Variants in AIG1 observed in about 807,000 individuals in gnomAD.
AIG1 encodes the protein androgen induced 1.
AIG1 carries 23 observed loss-of-function variants against 31.4 expected under a neutral mutation model. The ratio of observed to expected loss-of-function variants is 0.73; its 90% CI spans 0.53 to 1.04. The LOEUF (loss-of-function observed/expected upper bound fraction) is 1.04. AIG1 is among the 50% of genes least tolerant of loss of function. AIG1 has a pLI of 0.00. For synonymous variants in AIG1, 100 were observed against 110.5 expected, an observed-to-expected ratio of 0.90 and a Z score of 0.60; for missense variants, 274 against 295.0, an observed-to-expected ratio of 0.93 and a Z score of 0.52.
rs1430182623 is a variant in AIG1, at chr6:143,293,746, G to A, written c.515+9521G>A. On this transcript the variant is annotated intron_variant, in intron 4 of 5. Transcript: ENST00000357847. The surrounding 1 kb of genome is among the most constrained non-coding windows in gnomAD (Gnocchi z 4.8). ...GCTATTAACCTTGCCCCACCCTGAA[G>A]TCATGTTTTATGTGGTTATGATCCT... Among the ~76,000 whole-genome samples the A allele has an allele frequency of 6.6e-6, 1 of 152,134 alleles. No homozygotes were observed. The highest frequency in any genetic ancestry group is 1.5e-5 in the Non-Finnish European group (1 of 68,020).
rs1777339244 is a variant in AIG1, at chr6:143,334,630, T to G, written c.679+1185T>G. ...ACTAATCTTTTAATAATGTTCCACC[T>G]GTTCAATGGAAATAGTGATCTTTCT... On this transcript the variant is annotated intron_variant, in intron 5 of 5. Transcript: ENST00000357847. This position sits in a 1 kb window ranked among gnomAD's most constrained non-coding sequence, Gnocchi z 5.1. 6.6e-6 allele frequency among the ~76,000 whole-genome samples: 1 copy of G among 152,252 alleles called. No individual in the cohort carries two copies. Among genetic ancestry groups the G allele is most frequent in the Non-Finnish European group, 1.5e-5 (1 of 68,036 alleles).
At chr6:143,215,855 A>G (rs1021733640) in intron 3 of AIG1, among the ~76,000 whole-genome samples, 7 of 152,214 alleles carry the variant, frequency 4.6e-5, no homozygotes, top group Admixed American at 4.6e-4. Context: ...GCCAGAAAAT[A>G]AACATTTTAG....
chr6:143,100,794 C>G (rs6914766), intron 1 of AIG1, among the ~76,000 whole-genome samples: 14,288 of 151,878 alleles, frequency 0.094, 2,108 homozygotes, highest in African/African-American at 0.32. Context: ...AAGCGATTCT[C>G]CTGCCTCAGC....
At chr6:143,335,318 G>C (rs1308389090) in intron 5 of AIG1, 14 of 336,530 alleles carry the variant, frequency 4.2e-5, no homozygotes. Context: ...TGGATCACGA[G>C]GTCAAGAGAT....
chr6:143,248,957 T>A (rs1298680415), intron 3 of AIG1, among the ~76,000 whole-genome samples: 2 of 152,232 alleles, frequency 1.3e-5, no homozygotes, highest in East Asian at 3.8e-4. Context: ...GGCAGGTTCA[T>A]TCTTTAGAGG....
intron 3 of AIG1, chr6:143,186,623 G>A (rs559903168): frequency 6.6e-6 from 1 of 152,264 alleles, no homozygotes; most frequent in African/African-American, 2.4e-5. Context: ...CCATCACTAC[G>A]CACGTACTAA....
intron 3 of AIG1, among the ~76,000 whole-genome samples, chr6:143,195,208 A>T (rs1413893585): frequency 6.6e-6 from 1 of 152,184 alleles, no homozygotes; most frequent in East Asian, 1.9e-4. Flanking sequence ...TTTCTGTTTC[A>T]TGCTGAGTCT....
At chr6:143,182,604 C>A (rs1788837305) in intron 3 of AIG1, among the ~76,000 whole-genome samples, 1 of 152,150 alleles carries the variant, frequency 6.6e-6, no homozygotes, top group East Asian at 1.9e-4. Flanking sequence ...TCCCCTAACC[C>A]TGCTCCCCCT....
upstream of AIG1, among the ~76,000 whole-genome samples, chr6:143,059,484 T>G (rs960531142): frequency 5.9e-5 from 9 of 152,168 alleles, no homozygotes; most frequent in Non-Finnish European, 1.2e-4. Flanking sequence ...GTACCAAGGA[T>G]GCACAATTAA....
At chr6:143,082,371 C>T (rs562771186) in intron 1 of AIG1, among the ~76,000 whole-genome samples, 15 of 152,198 alleles carry the variant, frequency 9.9e-5, no homozygotes, top group South Asian at 4.1e-4. Context: ...TCCCCTTGAG[C>T]GGCATAGGTT....
intron 1 of AIG1, among the ~76,000 whole-genome samples, chr6:143,066,287 T>C (rs1776701118): frequency 6.6e-6 from 1 of 152,076 alleles, no homozygotes; most frequent in South Asian, 2.1e-4. Flanking sequence ...TTTCTTTGTT[T>C]TTTTTTTGAG....
intron 3 of AIG1, among the ~76,000 whole-genome samples, chr6:143,215,354 C>A (rs535762823): frequency 1.3e-5 from 2 of 152,146 alleles, no homozygotes; most frequent in Admixed American, 1.3e-4. Context: ...CCTAACTCAG[C>A]ATCCACTTTC....
chr6:143,187,739 T>A, intron 3 of AIG1: 2 of 1,535,424 alleles, frequency 1.3e-6, no homozygotes, highest in Non-Finnish European at 1.7e-6. Context: ...AGGATTGACC[T>A]GGTGCCATGC....
chr6:143,116,869 G>C (rs1157715606), intron 1 of AIG1, among the ~76,000 whole-genome samples: 1 of 151,834 alleles, frequency 6.6e-6, no homozygotes, highest in Non-Finnish European at 1.5e-5. Context: ...TCTCCATAAT[G>C]ACCTCCACCT....
intron 3 of AIG1, among the ~76,000 whole-genome samples, chr6:143,243,171 A>G (rs1415092660): frequency 6.6e-6 from 1 of 152,194 alleles, no homozygotes; most frequent in Non-Finnish European, 1.5e-5. Context: ...ACTTCTTTTC[A>G]GTACTTGATA....
intron 3 of AIG1, among the ~76,000 whole-genome samples, chr6:143,281,299 G>A (rs139002282): frequency 0.025 from 3,880 of 152,246 alleles, 72 homozygotes; most frequent in South Asian, 0.041. Flanking sequence ...ATGTTGTTTT[G>A]AAGATTAAAT....
At chr6:143,146,757 A>C (rs1221259454) in intron 2 of AIG1, among the ~76,000 whole-genome samples, 1 of 152,214 alleles carries the variant, frequency 6.6e-6, no homozygotes, top group Non-Finnish European at 1.5e-5. Flanking sequence ...CCCTTTAAGG[A>C]AGGAACTAGT....
chr6:143,171,515 AATATATATATTTAATATATATATT>A (rs1787619155), intron 3 of AIG1, among the ~76,000 whole-genome samples: 1 of 128,650 alleles, frequency 7.8e-6, no homozygotes, highest in Non-Finnish European at 1.6e-5. Flanking sequence ...TAATATATAT[AATATATATATTTAATATATATATT>A]ATATATATAT....
chr6:143,187,393 G>A, intron 3 of AIG1: 1 of 1,535,290 alleles, frequency 6.5e-7, no homozygotes, highest in Non-Finnish European at 8.7e-7. Context: ...TGCAGCTATA[G>A]CAACTAGATT....
Sources: allele counts gnomAD v4.1 joint callset (sites outside exome capture counted in the v4.1 genomes callset), GRCh38; gene constraint gnomAD v4.1.1; non-coding constraint Gnocchi (gnomAD v3.1); transcripts MANE v1.5; gene names NCBI Gene and HGNC (gene_info 2026-07-23, HGNC 2026-07-21).